PAX7: variants seen among roughly 807,000 people sequenced by gnomAD.
PAX7 encodes the protein paired box protein Pax-7.
A neutral mutation model predicts 50.7 loss-of-function variants in PAX7; 18 were observed. That is an observed-to-expected ratio of 0.36 (90% confidence interval 0.25 to 0.53). PAX7 has a LOEUF of 0.53. Among genes scored for constraint, PAX7 ranks in the 20% least tolerant of loss-of-function variants. PAX7 has a pLI of 0.93. For synonymous variants in PAX7, 310 were observed against 290.4 expected (o/e 1.07, Z -0.69); for missense variants, 644 against 702.9 (o/e 0.92, Z 0.95).
At chr1:18,712,806 G>T (rs1051127494) in intron 7 of PAX7, among the ~76,000 whole-genome samples, 2 of 152,216 alleles carry the variant, frequency 1.3e-5, no homozygotes, top group African/African-American at 4.8e-5. Context: ...CTGGGGCCGG[G>T]TGTGGTGGCT....
intron 4 of PAX7, among the ~76,000 whole-genome samples, chr1:18,645,336 T>C (rs2088321661): frequency 6.6e-6 from 1 of 152,200 alleles, no homozygotes; most frequent in African/African-American, 2.4e-5. Flanking sequence ...GCACTCTTTG[T>C]CTGACACCAC....
chr1:18,711,092 T>G (rs11808157), intron 7 of PAX7, among the ~76,000 whole-genome samples: 2,606 of 152,202 alleles, frequency 0.017, 64 homozygotes, highest in African/African-American at 0.059. Flanking sequence ...TCGGGAGGCC[T>G]CTCCCTCAGG....
At chr1:18,677,364 C>A (rs769310342) in intron 4 of PAX7, among the ~76,000 whole-genome samples, 3 of 152,170 alleles carry the variant, frequency 2.0e-5, no homozygotes, top group Admixed American at 6.5e-5. Context: ...CCAGGACCGG[C>A]GCACAGCAGA....
At chr1:18,691,360 A>G (rs1328197142) in intron 4 of PAX7, among the ~76,000 whole-genome samples, 1 of 152,210 alleles carries the variant, frequency 6.6e-6, no homozygotes, top group East Asian at 1.9e-4. Context: ...ATACAGCTCT[A>G]CGGATTTTGT....
chr1:18,645,935 C>T (rs1361793112), intron 4 of PAX7, among the ~76,000 whole-genome samples: 1 of 152,224 alleles, frequency 6.6e-6, no homozygotes, highest in Non-Finnish European at 1.5e-5. Flanking sequence ...GCGCTTTCCC[C>T]CGCCTCCCGC....
At position 18,705,653 on chromosome 1, in the gene PAX7, G is replaced by A. The variant is rs181904785; in HGVS notation, c.1155+2357G>A. Among the ~76,000 whole-genome samples the A allele has an allele frequency of 2.4e-4, 36 of 152,234 alleles. No individual in the cohort carries two copies. The South Asian group carries it at 2.9e-3, about 12-fold the overall frequency. On this transcript the variant is annotated intron_variant, in intron 7 of 8. Transcript: ENST00000420770. Reference sequence around the variant, plus strand: ...GCCCCAGGCCTCCAGAGTGTGGGTCGGGGATGGGAAACCAACCCACTGGTG... The same window carrying A: ...GCCCCAGGCCTCCAGAGTGTGGGTCAGGGATGGGAAACCAACCCACTGGTG...
chr1:18,651,034 A>G lies in PAX7; in HGVS notation c.586+14663A>G, dbSNP rs546850239. On this transcript the variant is annotated intron_variant, in intron 4 of 8. Transcript: ENST00000420770. ...TTATATCCACAGGCAGCTTCAGTGC[A>G]CGGAAGGACCCCTGGACTTGGAATC... 4.6e-5 allele frequency among the ~76,000 whole-genome samples: 7 copies of G among 152,262 alleles called. No homozygotes were observed. The South Asian group carries it at 1.0e-3, about 23-fold the overall frequency.
intron 7 of PAX7, among the ~76,000 whole-genome samples, chr1:18,705,678 G>A (rs1408358445): frequency 6.6e-6 from 1 of 152,224 alleles, no homozygotes; most frequent in Non-Finnish European, 1.5e-5. Flanking sequence ...ACCCACTGGT[G>A]TGAGCAGTGG....
chr1:18,745,319 G>A lies in PAX7; in HGVS notation c.*390G>A, dbSNP rs1931388265. On this transcript the variant is annotated 3_prime_UTR_variant, in exon 9 of 9. Transcript: ENST00000420770. ...GCCCTTTGGACCCAACTCCAGTGGG[G>A]GCCCTAGCTAGAAGTGGAGGTGAAG... is the stretch of plus-strand genomic sequence containing the variant. 1 of 274,624 alleles carries A rather than the reference G, an allele frequency of 3.6e-6. No homozygotes were observed. Among genetic ancestry groups the A allele is most frequent in the Non-Finnish European group, 7.0e-6 (1 of 142,934 alleles). 17.0% of individuals were successfully genotyped at this position (274,624 alleles called of 1,614,324 possible). A position where few individuals can be genotyped will look rare whatever the true frequency, so the allele number is the denominator to read the frequency against.
intron 4 of PAX7, among the ~76,000 whole-genome samples, chr1:18,645,822 C>T (rs558549807): frequency 4.1e-4 from 62 of 152,284 alleles, no homozygotes; most frequent in Non-Finnish European, 7.6e-4. Context: ...GCTTCTGGAA[C>T]CTCTTGTTCC....
rs2089579526 is a variant in PAX7 at position 18,726,970 on chromosome 1, C to G, written c.1156-8662C>G. ...AGGTCCCCGAGCTTCAGCCTGTACT[C>G]TGGGTTGGGGCACACAGGATCTGTG... On this transcript the variant is annotated intron_variant, in intron 7 of 8. Transcript: ENST00000420770. This position sits in a 1 kb window ranked among gnomAD's most constrained non-coding sequence, Gnocchi z 4.8. Among the ~76,000 whole-genome samples the G allele has an allele frequency of 6.6e-6, 1 of 152,204 alleles. No individual in the cohort carries two copies. The highest frequency in any genetic ancestry group is 1.5e-5 in the Non-Finnish European group (1 of 68,038).
At chr1:18,657,735 A>T (rs950307503) in intron 4 of PAX7, among the ~76,000 whole-genome samples, 1 of 151,798 alleles carries the variant, frequency 6.6e-6, no homozygotes, top group Non-Finnish European at 1.5e-5. Flanking sequence ...TTTCCCTTTA[A>T]AGCGGAGTGT....
chr1:18,654,652 G>A (rs748038108), intron 4 of PAX7, among the ~76,000 whole-genome samples: 1 of 152,212 alleles, frequency 6.6e-6, no homozygotes, highest in Admixed American at 6.5e-5. Flanking sequence ...TTGCCAGGCC[G>A]TAATAATTAG....
chr1:18,720,582 A>T (rs2089480920), intron 7 of PAX7, among the ~76,000 whole-genome samples: 2 of 151,608 alleles, frequency 1.3e-5, no homozygotes, highest in South Asian at 4.2e-4. Flanking sequence ...GAGAGAAGGG[A>T]GGTGTGTGTG....
chr1:18,672,747 A>G (rs2088770850), intron 4 of PAX7, among the ~76,000 whole-genome samples: 1 of 151,958 alleles, frequency 6.6e-6, no homozygotes, highest in Non-Finnish European at 1.5e-5. Context: ...CTGGGATTAT[A>G]AGCATGTACT....
rs1021702660 is a variant in PAX7 at position 18,746,744 on chromosome 1, T to C, written c.*1815T>C. 9 of 231,748 alleles carry C rather than the reference T, an allele frequency of 3.9e-5. No individual in the cohort carries two copies. Among genetic ancestry groups the C allele is most frequent in the Non-Finnish European group, 6.8e-5 (8 of 117,146 alleles). 14.4% of individuals were successfully genotyped at this position (231,748 alleles called of 1,614,324 possible). ...AGTTCCTCCCTCCTGGGAAGCTGGG[T>C]TGGCAAGATTCTAGGACACTCACCT... is the stretch of plus-strand genomic sequence containing the variant. On this transcript the variant is annotated 3_prime_UTR_variant, in exon 9 of 9. Transcript: ENST00000420770.
At chr1:18,646,008 G>T (rs1415832544) in intron 4 of PAX7, among the ~76,000 whole-genome samples, 1 of 152,194 alleles carries the variant, frequency 6.6e-6, no homozygotes, top group African/African-American at 2.4e-5. Context: ...ACCCTTCCGA[G>T]GGTCTAAAAA....
intron 8 of PAX7, among the ~76,000 whole-genome samples, chr1:18,737,573 T>C (rs1031033970): frequency 7.2e-5 from 11 of 152,274 alleles, no homozygotes; most frequent in African/African-American, 2.7e-4. Context: ...TCAGCACCCA[T>C]GTGTTATTGC....
intron 7 of PAX7, among the ~76,000 whole-genome samples, chr1:18,725,310 CCCG>C (rs201440155): frequency 0.11 from 4,810 of 45,076 alleles, 272 homozygotes; most frequent in Middle Eastern, 0.27. Flanking sequence ...ACGCCCCCCC[CCCG>C]CCCCACCAAC....
Sources: allele counts gnomAD v4.1 joint callset (sites outside exome capture counted in the v4.1 genomes callset), GRCh38; gene constraint gnomAD v4.1.1; non-coding constraint Gnocchi (gnomAD v3.1); transcripts MANE v1.5; gene names NCBI Gene and HGNC (gene_info 2026-07-23, HGNC 2026-07-21).